Variants in HECTD4 observed in about 807,000 individuals in gnomAD.
The protein encoded by HECTD4 is HECT domain E3 ubiquitin protein ligase 4, also known as probable E3 ubiquitin-protein ligase HECTD4.
HECTD4 carries 114 observed loss-of-function variants against 471.5 expected under a neutral mutation model. That is an observed-to-expected ratio of 0.24 (90% CI 0.21 to 0.28). The LOEUF (loss-of-function observed/expected upper bound fraction) is 0.28. HECTD4 is among the 10% of genes least tolerant of loss of function. The probability of loss-of-function intolerance (pLI) is 1.00; values close to 1 mark genes in which losing one functional copy is unlikely to be tolerated. For missense variants in HECTD4, 3,866 were observed against 5,651.5 expected (o/e 0.68, Z 10.13); for synonymous variants, 2,012 against 2,256.0 (o/e 0.89, Z 3.07).
chr12:112,372,321 G>A (rs1483968510), intron 1 of HECTD4, among the ~76,000 whole-genome samples: 5 of 151,700 alleles, frequency 3.3e-5, no homozygotes, highest in African/African-American at 1.2e-4. Context: ...GTGCAGTGGC[G>A]CAATCTCGGC....
intron 1 of HECTD4, among the ~76,000 whole-genome samples, chr12:112,358,601 CCTAT>C (rs1168027376): frequency 6.6e-6 from 1 of 152,030 alleles, no homozygotes; most frequent in African/African-American, 2.4e-5. Context: ...AATAAATGTG[CCTAT>C]CTGTCTATGA....
At chr12:112,234,678 C>G (rs1429931034) in intron 37 of HECTD4, among the ~76,000 whole-genome samples, 2 of 152,192 alleles carry the variant, frequency 1.3e-5, no homozygotes, top group African/African-American at 4.8e-5. Context: ...AACTCACAGT[C>G]AATGAGTTGG....
At chr12:112,262,315 A>G (rs1280462058) in intron 17 of HECTD4, among the ~76,000 whole-genome samples, 1 of 152,040 alleles carries the variant, frequency 6.6e-6, no homozygotes, top group African/African-American at 2.4e-5. Flanking sequence ...GTTCAAGACC[A>G]GTCTGGACAA....
intron 62 of HECTD4, among the ~76,000 whole-genome samples, chr12:112,180,542 A>ACC (rs1377178039): frequency 6.6e-6 from 1 of 151,630 alleles, no homozygotes; most frequent in African/African-American, 2.4e-5. Context: ...AAAAAAAAAA[A>ACC]AACAACAACA....
At chr12:112,201,933 G>C (rs1566070490) in intron 54 of HECTD4, among the ~76,000 whole-genome samples, 1 of 152,218 alleles carries the variant, frequency 6.6e-6, no homozygotes, top group East Asian at 1.9e-4. Flanking sequence ...AAACTGGAGA[G>C]AAATTACCTT....
At chr12:112,339,255 A>G (rs1345078613) in intron 1 of HECTD4, among the ~76,000 whole-genome samples, 2 of 151,028 alleles carry the variant, frequency 1.3e-5, no homozygotes, top group Non-Finnish European at 2.9e-5. Context: ...GTGAAAATAA[A>G]TGAAGTATAG....
At chr12:112,170,617 T>A in intron 68 of HECTD4, 165 bp from the exon 69 acceptor site, 1 of 770,010 alleles carries the variant, frequency 1.3e-6, no homozygotes. Context: ...CCGCCCAGCA[T>A]ATACCCTTTG....
intron 50 of HECTD4, among the ~76,000 whole-genome samples, 173 bp from the exon 51 acceptor site, chr12:112,208,803 C>T (rs1282495911): frequency 6.6e-6 from 1 of 151,718 alleles, no homozygotes; most frequent in Non-Finnish European, 1.5e-5. Context: ...CTATAATTAC[C>T]CTGAATCCTA....
intron 52 of HECTD4, 55 bp downstream of exon 52, chr12:112,207,819 G>A: frequency 6.3e-7 from 1 of 1,582,874 alleles, no homozygotes; most frequent in Non-Finnish European, 8.6e-7. Context: ...TTTTCATCCA[G>A]CTCCTCACTT....
rs1447780901 is a variant in HECTD4, at chr12:112,228,186, C to T, written c.6757G>A (p.Glu2253Lys). ...GAGGTGTGAATAGAGAGACTTCCCTCCTGAGGAAGCAACATGGACTGGACT... is the reference window on the plus strand; with the variant it reads ...GAGGTGTGAATAGAGAGACTTCCCTTCTGAGGAAGCAACATGGACTGGACT... ...QAVQSMLLPQ[E>K]GSLSIHTSLP... is the part of the protein sequence containing the mutation. Residue 2253 changes from glutamate (E) to lysine (K), a missense_variant, in exon 43 of 76, where the codon GAG (glutamate) becomes AAG (lysine). By Grantham distance (56) the Glu-to-Lys change is moderately conservative (BLOSUM62 1). Transcript: ENST00000682272. This position sits in a 1 kb window ranked among gnomAD's most constrained non-coding sequence, Gnocchi z 4.9. The T allele has an allele frequency of 2.5e-6, 4 of 1,613,960 alleles. No homozygotes were observed.
intron 60 of HECTD4, among the ~76,000 whole-genome samples, chr12:112,187,177 CCG>C (rs1177467979): frequency 2.6e-5 from 4 of 151,720 alleles, no homozygotes. Flanking sequence ...CAGGGTTCCT[CCG>C]TGTTGGTCAG....
chr12:112,293,781 A>G (rs1281182082), intron 7 of HECTD4, among the ~76,000 whole-genome samples: 9 of 152,236 alleles, frequency 5.9e-5, no homozygotes, highest in Admixed American at 2.0e-4. Context: ...GGTAGGTGAG[A>G]GACTTCTGTA....
chr12:112,302,978 CTTT>C (rs3031817), intron 7 of HECTD4, among the ~76,000 whole-genome samples: 18 of 120,690 alleles, frequency 1.5e-4, no homozygotes, highest in African/African-American at 4.6e-4. Context: ...TTTGTCTGCT[CTTT>C]TTTTTTTTTT....
chr12:112,245,660 C>A (rs1264854201), intron 29 of HECTD4, among the ~76,000 whole-genome samples: 4 of 152,270 alleles, frequency 2.6e-5, no homozygotes, highest in African/African-American at 9.6e-5. Context: ...CTGCTCTCTA[C>A]TGCCCACTGG....
Position 112,382,280 on chromosome 12 carries a change from G to A in HECTD4, c.-152C>T, listed in dbSNP as rs2036910191. 11 of 635,648 alleles carry A rather than the reference G, an allele frequency of 1.7e-5. No individual in the cohort carries two copies. The highest frequency in any genetic ancestry group is 4.0e-5 in the African/African-American group (2 of 50,486). 39.4% of individuals were successfully genotyped at this position (635,648 alleles called of 1,614,324 possible). On this transcript the variant is annotated 5_prime_UTR_variant, in exon 1 of 76. Coordinates refer to ENST00000682272, the MANE Select transcript of HECTD4 (RefSeq NM_001388303.1). ...TCGCCCGTGCAACTCCGCCCTAGGC[G>A]GTCCGAGTCGCCATACCCCCGACCC...
At chr12:112,167,275 C>T in intron 72 of HECTD4, 42 bp downstream of exon 72, 2 of 1,539,336 alleles carry the variant, frequency 1.3e-6, no homozygotes, top group Non-Finnish European at 1.8e-6. Flanking sequence ...GGCGGGGAGG[C>T]CCCGGGTTCT....
intron 1 of HECTD4, among the ~76,000 whole-genome samples, chr12:112,338,290 C>G (rs540939165): frequency 5.4e-4 from 82 of 152,314 alleles, no homozygotes; most frequent in African/African-American, 1.7e-3. Context: ...TACAAAGACC[C>G]TTTCTCCATA....
chr12:112,187,622 CTTTTTTT>C (rs150976845), intron 60 of HECTD4, among the ~76,000 whole-genome samples: 1 of 85,962 alleles, frequency 1.2e-5, no homozygotes, highest in South Asian at 5.0e-4. Flanking sequence ...GTTTCCTTTC[CTTTTTTT>C]TTTTTTTTTT....
rs2034677790 is a variant in HECTD4, at chr12:112,283,093, A to G, written c.1528+17T>C. On this transcript the variant is annotated intron_variant, in intron 8 of 75. Transcript: ENST00000682272. ...GCTATACAAGGAAACAGATCTGGGA[A>G]GCACAGAGTAACATACCTGCTTGAT... 6.2e-7 allele frequency: 1 copy of G among 1,603,466 alleles called. No individual in the cohort carries two copies. The highest frequency in any genetic ancestry group is 8.5e-7 in the Non-Finnish European group (1 of 1,172,890).
Sources: gnomAD v4.1 joint callset for allele counts (sites outside exome capture counted in the v4.1 genomes callset) on GRCh38, gnomAD v4.1.1 for gene constraint, Gnocchi (gnomAD v3.1) non-coding constraint, MANE v1.5 for transcripts, NCBI Gene and HGNC (gene_info 2026-07-23, HGNC 2026-07-21) for gene names.